The following GABRA3 variants were observed in gnomAD, a reference collection of about 807,000 sequenced individuals.
GABRA3 encodes gamma-aminobutyric acid receptor subunit alpha-3.
A neutral mutation model predicts 30.1 loss-of-function variants in GABRA3; 10 were observed. The ratio of observed to expected loss-of-function variants is 0.33; its 90% CI spans 0.20 to 0.56. The LOEUF is 0.56. Ranked by LOEUF, GABRA3 falls within the 20% of genes least tolerant of loss-of-function variation. The pLI, the probability that GABRA3 is intolerant of heterozygous loss-of-function variation, is 0.89. For missense variants in GABRA3, 233 were observed against 392.0 expected, an observed-to-expected ratio of 0.59 and a Z score of 3.42; for synonymous variants, 151 against 146.8, an observed-to-expected ratio of 1.03 and a Z score of -0.21.
chrX:152,398,078 T>C (rs1366160008), intron 1 of GABRA3, among the ~76,000 whole-genome samples: 1 of 111,486 alleles, frequency 9.0e-6, no homozygotes, highest in Non-Finnish European at 1.9e-5. Flanking sequence ...AGCTTTTATG[T>C]CTACTTGTGG....
intron 3 of GABRA3, 87 bp downstream of exon 3, chrX:152,345,494 T>A (rs1940377249): frequency 9.8e-7 from 1 of 1,020,009 alleles, no homozygotes; most frequent in Admixed American, 3.0e-5. Context: ...GCCAATAGAC[T>A]ACTGAAGGCA....
intron 1 of GABRA3, among the ~76,000 whole-genome samples, chrX:152,437,232 T>C (rs1438842910): frequency 1.8e-5 from 2 of 112,000 alleles, no homozygotes; most frequent in Non-Finnish European, 3.8e-5. Flanking sequence ...AATGAACAAC[T>C]GGAATTTGAA....
chrX:152,432,563 A>G (rs772157286), intron 1 of GABRA3, among the ~76,000 whole-genome samples: 1 of 111,588 alleles, frequency 9.0e-6, no homozygotes, highest in Non-Finnish European at 1.9e-5. Context: ...CAAACAAAAA[A>G]CAAAACTAAA....
chrX:152,209,744 C>T (rs1473489994), intron 6 of GABRA3, among the ~76,000 whole-genome samples: 4 of 112,432 alleles, frequency 3.6e-5, no homozygotes, highest in African/African-American at 1.3e-4. Context: ...AAGTCATTTC[C>T]TGCTTTGTTT....
At chrX:152,278,670 C>T (rs922407426) in intron 4 of GABRA3, among the ~76,000 whole-genome samples, 4 of 111,393 alleles carry the variant, frequency 3.6e-5, no homozygotes, top group East Asian at 2.8e-4. Context: ...TTCTAGATCC[C>T]TGAGGAATTG....
chrX:152,440,068 T>C (rs936870847), intron 1 of GABRA3, among the ~76,000 whole-genome samples: 1 of 111,886 alleles, frequency 8.9e-6, no homozygotes, highest in African/African-American at 3.3e-5. Context: ...AAAGAGACTA[T>C]CATCAGAGTG....
chrX:152,311,518 A>G (rs946245096), intron 3 of GABRA3, among the ~76,000 whole-genome samples: 1 of 112,158 alleles, frequency 8.9e-6, no homozygotes, highest in African/African-American at 3.2e-5. Context: ...TCATGTTAAA[A>G]CCTCAACAAA....
intron 1 of GABRA3, among the ~76,000 whole-genome samples, chrX:152,446,332 A>G (rs1300107923): frequency 9.0e-6 from 1 of 111,565 alleles, no homozygotes; most frequent in Non-Finnish European, 1.9e-5. Context: ...TGTCTATCTC[A>G]CCATCTAAAC....
chrX:152,333,244 C>T (rs931264854), intron 3 of GABRA3, among the ~76,000 whole-genome samples: 3 of 111,718 alleles, frequency 2.7e-5, no homozygotes, highest in Non-Finnish European at 5.6e-5. Flanking sequence ...TTGCACAAGA[C>T]GCTGAAGAGG....
At chrX:152,369,365 A>T (rs200010301) in intron 1 of GABRA3, among the ~76,000 whole-genome samples, 1 of 2,870 alleles carries the variant, frequency 3.5e-4, no homozygotes, top group African/African-American at 4.9e-4. Context: ...GTCAATTAAT[A>T]AATAAATAAA....
chrX:152,419,681 T>C (rs1005283791), intron 1 of GABRA3, among the ~76,000 whole-genome samples: 107 of 111,522 alleles, frequency 9.6e-4, no homozygotes, highest in Non-Finnish European at 1.5e-3. Flanking sequence ...CCTCTCAACA[T>C]TTAAAGAATA....
chrX:152,266,645 C>A (rs919769547), intron 4 of GABRA3, among the ~76,000 whole-genome samples: 1 of 111,774 alleles, frequency 8.9e-6, no homozygotes, highest in African/African-American at 3.2e-5. Flanking sequence ...TCACAGCCTT[C>A]AGGTTTTAAT....
At chrX:152,385,278 CAT>C (rs762844329) in intron 1 of GABRA3, among the ~76,000 whole-genome samples, 12 of 111,376 alleles carry the variant, frequency 1.1e-4, no homozygotes, top group Non-Finnish European at 7.5e-5. Flanking sequence ...GTTAAAGAAA[CAT>C]ATATTGATGC....
At chrX:152,370,964 C>T (rs760472645) in intron 1 of GABRA3, among the ~76,000 whole-genome samples, 18 of 110,741 alleles carry the variant, frequency 1.6e-4, no homozygotes, top group Middle Eastern at 4.7e-3. Flanking sequence ...GGATAACATA[C>T]ATAGTCCATA....
rs1433300213 is a variant in GABRA3 at position 152,376,902 on chromosome X, A to C, written c.-26-12306T>G. 3.6e-5 allele frequency among the ~76,000 whole-genome samples: 4 copies of C among 111,694 alleles called. No individual in the cohort carries two copies. The East Asian group carries it at 1.1e-3, about 31-fold the overall frequency. ...CACAACAGAAAATATATCACCTCTGAAATTCTCATTAAGAGAGACAGGAAT... is the reference window on the plus strand; with the variant it reads ...CACAACAGAAAATATATCACCTCTGCAATTCTCATTAAGAGAGACAGGAAT... On this transcript the variant is annotated intron_variant, in intron 1 of 9. Transcript: ENST00000370314.
chrX:152,300,254 T>C lies in GABRA3; in HGVS notation c.263-15519A>G, dbSNP rs538957079. 7.1e-5 allele frequency among the ~76,000 whole-genome samples: 8 copies of C among 112,010 alleles called. No individual in the cohort carries two copies. The South Asian group carries it at 2.2e-3, about 31-fold the overall frequency. On this transcript the variant is annotated intron_variant, in intron 3 of 9. Coordinates refer to ENST00000370314, the MANE Select transcript of GABRA3 (RefSeq NM_000808.4). ...CTATGAACTTAGATTAAAACCACAGTCTTGGACTATCTCCTAAGTGGTACA... is the reference window on the plus strand; with the variant it reads ...CTATGAACTTAGATTAAAACCACAGCCTTGGACTATCTCCTAAGTGGTACA...
intron 1 of GABRA3, among the ~76,000 whole-genome samples, chrX:152,437,523 T>C (rs949234600): frequency 1.8e-5 from 2 of 111,233 alleles, no homozygotes; most frequent in African/African-American, 6.5e-5. Context: ...TAGATATCAA[T>C]AAACAGATGC....
At chrX:152,347,871 GT>G (rs1254981236) in intron 2 of GABRA3, among the ~76,000 whole-genome samples, 1 of 111,670 alleles carries the variant, frequency 9.0e-6, no homozygotes, top group East Asian at 2.8e-4. Context: ...GCTAGGCATG[GT>G]GGCACACCTG....
At chrX:152,383,210 C>G (rs1288776121) in intron 1 of GABRA3, among the ~76,000 whole-genome samples, 1 of 107,206 alleles carries the variant, frequency 9.3e-6, no homozygotes, top group African/African-American at 3.4e-5. Flanking sequence ...CACAATGAAA[C>G]CCTGTCTCTA....
Sources: gnomAD v4.1 joint callset for allele counts (sites outside exome capture counted in the v4.1 genomes callset) on GRCh38, gnomAD v4.1.1 for gene constraint, MANE v1.5 for transcripts, NCBI Gene and HGNC (gene_info 2026-07-23, HGNC 2026-07-21) for gene names.